The following ST6GALNAC5 variants were observed in gnomAD, a reference collection of about 807,000 sequenced individuals.
ST6GALNAC5 encodes alpha-N-acetylgalactosaminide alpha-2,6-sialyltransferase 5.
In ST6GALNAC5, 27 loss-of-function variants were observed where a neutral mutation model predicts 33.6. That is an observed-to-expected ratio of 0.80 (90% CI 0.59 to 1.11). The LOEUF is 1.11. Ranked by LOEUF, ST6GALNAC5 falls within the 50% of genes least tolerant of loss-of-function variation. The pLI, the probability that ST6GALNAC5 is intolerant of heterozygous loss-of-function variation, is 0.00. For synonymous variants in ST6GALNAC5, 194 were observed against 171.2 expected (o/e 1.13, Z -1.04); for missense variants, 428 against 454.0 (o/e 0.94, Z 0.52).
chr1:77,028,417 A>G (rs2100445128), intron 2 of ST6GALNAC5, among the ~76,000 whole-genome samples: 1 of 152,348 alleles, frequency 6.6e-6, no homozygotes, highest in East Asian at 1.9e-4. Context: ...CTTATTAGAA[A>G]TCAAGCTGGA....
intron 2 of ST6GALNAC5, among the ~76,000 whole-genome samples, chr1:76,921,761 T>A (rs1647036592): frequency 6.6e-6 from 1 of 152,132 alleles, no homozygotes; most frequent in Admixed American, 6.6e-5. Flanking sequence ...GAGAAAAACA[T>A]GAGTATCTCA....
chr1:77,005,935 T>G (rs940087838), intron 2 of ST6GALNAC5, among the ~76,000 whole-genome samples: 9 of 152,200 alleles, frequency 5.9e-5, no homozygotes, highest in African/African-American at 2.2e-4. Flanking sequence ...ATTTTGTTTA[T>G]CCATTCCTCC....
intron 2 of ST6GALNAC5, among the ~76,000 whole-genome samples, chr1:76,929,416 G>A (rs74796131): frequency 4.2e-3 from 633 of 152,170 alleles, no homozygotes; most frequent in Non-Finnish European, 6.4e-3. Context: ...TTGCATGCCC[G>A]TAGTCCCATC....
intron 2 of ST6GALNAC5, among the ~76,000 whole-genome samples, chr1:77,031,729 T>C (rs1337247498): frequency 6.6e-6 from 1 of 152,224 alleles, no homozygotes; most frequent in East Asian, 1.9e-4. Context: ...CACTCTGGAA[T>C]GGTTCTCACA....
chr1:76,929,039 C>T (rs1273324066), intron 2 of ST6GALNAC5, among the ~76,000 whole-genome samples: 1 of 152,282 alleles, frequency 6.6e-6, no homozygotes, highest in Admixed American at 6.5e-5. Flanking sequence ...TCAAGCCTTA[C>T]TTTCTTTCAA....
chr1:76,897,192 C>T (rs538143154), intron 2 of ST6GALNAC5, among the ~76,000 whole-genome samples: 1 of 152,018 alleles, frequency 6.6e-6, no homozygotes, highest in South Asian at 2.1e-4. Context: ...CAGGGTCAGT[C>T]CAGGTGAAAG....
intron 2 of ST6GALNAC5, among the ~76,000 whole-genome samples, chr1:76,974,836 G>T (rs1317390403): frequency 3.3e-4 from 40 of 121,014 alleles, no homozygotes; most frequent in African/African-American, 1.3e-3. Flanking sequence ...AAGCTGGAGT[G>T]CAATAACGTG....
At chr1:76,991,183 A>G (rs1409322963) in intron 2 of ST6GALNAC5, among the ~76,000 whole-genome samples, 22 of 152,198 alleles carry the variant, frequency 1.4e-4, no homozygotes, top group Admixed American at 1.4e-3. Flanking sequence ...AAACAACCCT[A>G]CAGGGATCCA....
intron 2 of ST6GALNAC5, among the ~76,000 whole-genome samples, chr1:77,021,927 T>A (rs1223037429): frequency 6.6e-6 from 1 of 152,186 alleles, no homozygotes; most frequent in Non-Finnish European, 1.5e-5. Flanking sequence ...AGCCATGTAA[T>A]CACACCTCCT....
intron 2 of ST6GALNAC5, among the ~76,000 whole-genome samples, chr1:76,904,516 AC>A (rs1646846639): frequency 6.6e-6 from 1 of 152,180 alleles, no homozygotes; most frequent in African/African-American, 2.4e-5. Flanking sequence ...AATCCCATAA[AC>A]CTAATATTGA....
chr1:76,983,208 C>T (rs975450769), intron 2 of ST6GALNAC5, among the ~76,000 whole-genome samples: 5 of 152,172 alleles, frequency 3.3e-5, no homozygotes, highest in African/African-American at 1.2e-4. Flanking sequence ...TTAAAAGACA[C>T]AGACTGGCAA....
At chr1:76,966,658 G>A (rs895500967) in intron 2 of ST6GALNAC5, among the ~76,000 whole-genome samples, 2 of 152,180 alleles carry the variant, frequency 1.3e-5, no homozygotes, top group Admixed American at 6.5e-5. Flanking sequence ...GTGAGAGAGG[G>A]CATCCCTGTC....
At chr1:76,874,105 T>C (rs1570627514) in intron 2 of ST6GALNAC5, among the ~76,000 whole-genome samples, 1 of 152,228 alleles carries the variant, frequency 6.6e-6, no homozygotes, top group Non-Finnish European at 1.5e-5. Flanking sequence ...AGTTAAATTC[T>C]ATTATTACCT....
chr1:77,019,286 T>C (rs1012943088), intron 2 of ST6GALNAC5, among the ~76,000 whole-genome samples: 1 of 152,170 alleles, frequency 6.6e-6, no homozygotes, highest in Non-Finnish European at 1.5e-5. Flanking sequence ...TTCTGCCAGC[T>C]GAGGGAAATT....
At chr1:76,970,022 C>T (rs549885517) in intron 2 of ST6GALNAC5, among the ~76,000 whole-genome samples, 1 of 152,146 alleles carries the variant, frequency 6.6e-6, no homozygotes, top group East Asian at 1.9e-4. Context: ...CAAAAAAGGA[C>T]ATCCACACCA....
Position 77,044,470 on chromosome 1 carries a change from C to A in ST6GALNAC5, c.528C>A (p.Tyr176Ter), listed in dbSNP as rs1421278125. 1.9e-6 allele frequency: 3 copies of A among 1,613,368 alleles called. No individual in the cohort carries two copies. Among genetic ancestry groups the A allele is most frequent in the Non-Finnish European group, 2.5e-6 (3 of 1,179,768 alleles). Residue 176 changes from tyrosine to a stop codon, truncating the protein, a stop_gained, in exon 3 of 5, where the codon TAC (tyrosine) becomes TAA (stop). Transcript: ENST00000477717. LOFTEE classifies it high-confidence loss of function. ...TCATCTTCTGGGGCCCCAGCAGCTA[C>A]ATGCGGCGGGACGGCAAGGGCCAGG... ...TVFIFWGPSS[Y>*]MRRDGKGQVY...
chr1:77,038,101 A>G (rs1174271795), intron 2 of ST6GALNAC5, among the ~76,000 whole-genome samples: 1 of 152,218 alleles, frequency 6.6e-6, no homozygotes, highest in African/African-American at 2.4e-5. Context: ...TCAAAAAACT[A>G]TCTTCTAAAC....
chr1:76,889,902 TTTATGTATCTGATAACATTAATAAC>T (rs1653977512), intron 2 of ST6GALNAC5, among the ~76,000 whole-genome samples: 2 of 152,190 alleles, frequency 1.3e-5, no homozygotes, highest in African/African-American at 4.8e-5. Flanking sequence ...ATACATTTTA[TTTATGTATCTGATAACATTAATAAC>T]TTAAACCTTT....
intron 2 of ST6GALNAC5, among the ~76,000 whole-genome samples, chr1:76,990,187 A>G (rs1649670050): frequency 6.6e-6 from 1 of 152,108 alleles, no homozygotes; most frequent in African/African-American, 2.4e-5. Context: ...ATACACTGGG[A>G]GTTTCCACTC....
Sources: gnomAD v4.1 joint callset for allele counts (sites outside exome capture counted in the v4.1 genomes callset) on GRCh38, gnomAD v4.1.1 for gene constraint, MANE v1.5 for transcripts, NCBI Gene and HGNC (gene_info 2026-07-23, HGNC 2026-07-21) for gene names.